ARHGAP25: variants seen among roughly 807,000 people sequenced by gnomAD.
ARHGAP25 encodes Rho GTPase activating protein 25.
In ARHGAP25, 34 loss-of-function variants were observed where a neutral mutation model predicts 71.0. That is an observed-to-expected ratio of 0.48 (90% confidence interval 0.36 to 0.64). The LOEUF is 0.64. ARHGAP25 is among the 30% of genes least tolerant of loss of function. The pLI, the probability that ARHGAP25 is intolerant of heterozygous loss-of-function variation, is 0.00. For synonymous variants in ARHGAP25, 282 were observed against 296.5 expected (o/e 0.95, Z 0.50); for missense variants, 706 against 805.1 (o/e 0.88, Z 1.49).
intron 2 of ARHGAP25, among the ~76,000 whole-genome samples, chr2:68,723,305 T>C (rs1446088417): frequency 1.3e-5 from 2 of 152,162 alleles, no homozygotes; most frequent in Non-Finnish European, 2.9e-5. Context: ...AGTTCCCTAA[T>C]CGGGGGCAGG....
chr2:68,795,682 A>G (rs912850496), intron 4 of ARHGAP25, among the ~76,000 whole-genome samples: 2 of 152,142 alleles, frequency 1.3e-5, no homozygotes, highest in Admixed American at 1.3e-4. Flanking sequence ...TTGTGGCCTG[A>G]CATATGGCCT....
intron 1 of ARHGAP25, among the ~76,000 whole-genome samples, chr2:68,757,888 G>T (rs1676577098): frequency 6.6e-6 from 1 of 151,972 alleles, no homozygotes; most frequent in Non-Finnish European, 1.5e-5. Flanking sequence ...TTCACATTTT[G>T]TTTTCTACAC....
intron 1 of ARHGAP25, among the ~76,000 whole-genome samples, chr2:68,755,652 T>A (rs1306517548): frequency 9.7e-4 from 5 of 5,178 alleles, no homozygotes; most frequent in Non-Finnish European, 2.7e-3. Context: ...TTTTGCATGC[T>A]TTTTTCTTGA....
At chr2:68,751,073 A>T (rs971095405) in intron 1 of ARHGAP25, among the ~76,000 whole-genome samples, 2 of 152,208 alleles carry the variant, frequency 1.3e-5, no homozygotes, top group African/African-American at 2.4e-5. Context: ...TTGGAATAAC[A>T]TTGCAGACTC....
intron 4 of ARHGAP25, among the ~76,000 whole-genome samples, chr2:68,803,536 T>C (rs535812482): frequency 1.3e-5 from 2 of 152,216 alleles, no homozygotes; most frequent in South Asian, 4.2e-4. Flanking sequence ...ATGTTGGTCA[T>C]TTGCATGAGA....
intron 2 of ARHGAP25, among the ~76,000 whole-genome samples, chr2:68,725,097 C>G (rs1487786988): frequency 6.6e-6 from 1 of 152,122 alleles, no homozygotes; most frequent in East Asian, 1.9e-4. Flanking sequence ...TGCTCAGTGC[C>G]CTGACTAGAC....
At chr2:68,823,162 G>A (rs886458665) in intron 10 of ARHGAP25, among the ~76,000 whole-genome samples, 1 of 151,586 alleles carries the variant, frequency 6.6e-6, no homozygotes, top group African/African-American at 2.4e-5. Flanking sequence ...TAATTTAAAG[G>A]AAATTAATTT....
chr2:68,744,594 G>A (rs946465798), intron 1 of ARHGAP25, among the ~76,000 whole-genome samples: 1 of 152,122 alleles, frequency 6.6e-6, no homozygotes, highest in South Asian at 2.1e-4. Context: ...GCTGACACAG[G>A]GTTTGTTCTG....
At chr2:68,768,431 A>G (rs866299642) in intron 1 of ARHGAP25, among the ~76,000 whole-genome samples, 29 of 152,176 alleles carry the variant, frequency 1.9e-4, no homozygotes, top group Admixed American at 1.1e-3. Context: ...ATTTCGTTCT[A>G]AAACATTTAT....
chr2:68,762,080 A>G lies in ARHGAP25; in HGVS notation c.62-13141A>G, dbSNP rs114544111. ...AAGGAAGGACATTCTGCAATATGCTATAGCACCGATGAATCTTGAGGACAT... is the reference window on the plus strand; with the variant it reads ...AAGGAAGGACATTCTGCAATATGCTGTAGCACCGATGAATCTTGAGGACAT... On this transcript the variant is annotated intron_variant, in intron 1 of 10. Transcript: ENST00000409202. Among the ~76,000 whole-genome samples the G allele has an allele frequency of 8.6e-3, 1,305 of 152,350 alleles. 19 individuals carry two copies. The highest frequency in any genetic ancestry group is 0.03 in the African/African-American group (1,240 of 41,582).
intron 4 of ARHGAP25, among the ~76,000 whole-genome samples, chr2:68,806,348 A>G (rs1284623646): frequency 2.0e-5 from 3 of 152,250 alleles, no homozygotes; most frequent in Non-Finnish European, 4.4e-5. Context: ...CATAGTAAAC[A>G]ACCTAAATTA....
rs1226401176 is a variant in ARHGAP25 at position 68,735,189 on chromosome 2, C to G, written c.-11C>G. The G allele has an allele frequency of 6.2e-7, 1 of 1,613,350 alleles. No homozygotes were observed. ...CCGCTTCACTAACTACTCACTTAAA[C>G]TGGAAGCAAAATGTCCCTAAAATTG... On this transcript the variant is annotated 5_prime_UTR_variant, in exon 1 of 11. Transcript: ENST00000409202.
chr2:68,769,828 G>A (rs1176096326), intron 1 of ARHGAP25, among the ~76,000 whole-genome samples: 3 of 152,280 alleles, frequency 2.0e-5, no homozygotes, highest in South Asian at 2.1e-4. Flanking sequence ...TTCCAGCAGA[G>A]AGAATAGCAT....
chr2:68,802,654 G>A (rs1185762007), intron 4 of ARHGAP25, among the ~76,000 whole-genome samples: 1 of 151,696 alleles, frequency 6.6e-6, no homozygotes, highest in Admixed American at 6.6e-5. Context: ...TGAGATTAGA[G>A]AAGATACTGG....
chr2:68,725,326 T>C (rs989403881), intron 2 of ARHGAP25, among the ~76,000 whole-genome samples: 1 of 152,088 alleles, frequency 6.6e-6, no homozygotes, highest in African/African-American at 2.4e-5. Flanking sequence ...TTTATTATAA[T>C]AATAATAATA....
rs1008130076 is a variant in ARHGAP25 at position 68,826,021 on chromosome 2, G to A, written c.1768G>A (p.Val590Met). The A allele has an allele frequency of 1.2e-6, 2 of 1,613,878 alleles. No individual in the cohort carries two copies. The highest frequency in any genetic ancestry group is 1.3e-5 in the African/African-American group (1 of 74,906). ...GGAAAATTATGACGTTTGGGCTAAA[G>A]TGGTGAGGCTCAATGAAGAACTGGA... Reference protein sequence around the residue: ...EKENYDVWAKVVRLNEELEKE... With the variant: ...EKENYDVWAKMVRLNEELEKE... Residue 590 changes from valine (V) to methionine (M), a missense_variant, in exon 11 of 11, where the codon GTG (valine) becomes ATG (methionine). Physicochemically the swap from Val to Met is conservative, Grantham distance 21. Coordinates refer to ENST00000409202, the MANE Select transcript of ARHGAP25 (RefSeq NM_001007231.3).
At position 68,826,024 on chromosome 2, in the gene ARHGAP25, G is replaced by T; in HGVS notation, c.1771G>T (p.Val591Leu). 6.2e-7 allele frequency: 1 copy of T among 1,613,980 alleles called. No individual in the cohort carries two copies. The highest frequency in any genetic ancestry group is 8.5e-7 in the Non-Finnish European group (1 of 1,180,008). ...KENYDVWAKV[V>L]RLNEELEKEK... The stretch of plus-strand genomic sequence containing the variant: ...AAATTATGACGTTTGGGCTAAAGTG[G>T]TGAGGCTCAATGAAGAACTGGAGAA... The change falls in exon 11 of 11, where the codon GTG (valine) becomes TTG (leucine). Residue 591 changes from valine (V) to leucine (L), a missense_variant. By Grantham distance (32) the Val-to-Leu change is conservative. Coordinates refer to ENST00000409202, the MANE Select transcript of ARHGAP25 (RefSeq NM_001007231.3).
intron 2 of ARHGAP25, among the ~76,000 whole-genome samples, chr2:68,710,999 T>C (rs1674467323): frequency 6.6e-6 from 1 of 152,192 alleles, no homozygotes; most frequent in Admixed American, 6.5e-5. Context: ...TCCCTGGTTG[T>C]CTAGGTCATC....
At chr2:68,722,621 G>C (rs1001815244) in intron 2 of ARHGAP25, among the ~76,000 whole-genome samples, 3 of 150,966 alleles carry the variant, frequency 2.0e-5, no homozygotes, top group African/African-American at 7.3e-5. Context: ...ACACTATATT[G>C]AGTGCTTTTT....
Sources: gnomAD v4.1 joint callset for allele counts (sites outside exome capture counted in the v4.1 genomes callset) on GRCh38, gnomAD v4.1.1 for gene constraint, MANE v1.5 for transcripts, NCBI Gene and HGNC (gene_info 2026-07-23, HGNC 2026-07-21) for gene names.